Variants in PRKN observed in about 807,000 individuals in gnomAD.
PRKN encodes the protein E3 ubiquitin-protein ligase parkin.
Under a neutral mutation model 59.5 loss-of-function variants are expected in PRKN, and 56 were observed. The observed-to-expected ratio is 0.94, with a 90% confidence interval of 0.76 to 1.18. PRKN has a LOEUF of 1.18. Among genes scored for constraint, PRKN ranks in the 50% most tolerant of loss-of-function variants. The pLI, the probability that PRKN is intolerant of heterozygous loss-of-function variation, is 0.00. For missense variants in PRKN, 657 were observed against 596.4 expected (o/e 1.10, Z -1.06); for synonymous variants, 250 against 222.1 (o/e 1.13, Z -1.12).
At chr6:162,031,813 A>C (rs1274605579) in intron 5 of PRKN, among the ~76,000 whole-genome samples, 1 of 152,132 alleles carries the variant, frequency 6.6e-6, no homozygotes, top group East Asian at 1.9e-4. Flanking sequence ...TAGAGTTGTG[A>C]GCCATGGTGC....
At chr6:162,472,286 T>C (rs1453750975) in intron 1 of PRKN, among the ~76,000 whole-genome samples, 1 of 151,406 alleles carries the variant, frequency 6.6e-6, no homozygotes, top group Non-Finnish European at 1.5e-5. Flanking sequence ...ACATGTGCCA[T>C]GTGGGTGTGC....
intron 7 of PRKN, among the ~76,000 whole-genome samples, chr6:161,663,036 G>A (rs1419645093): frequency 6.6e-6 from 1 of 152,178 alleles, no homozygotes; most frequent in African/African-American, 2.4e-5. Flanking sequence ...AGTCTCACAA[G>A]AGCTGATGGT....
At chr6:162,163,205 T>C (rs972708125) in intron 4 of PRKN, among the ~76,000 whole-genome samples, 1 of 149,012 alleles carries the variant, frequency 6.7e-6, no homozygotes, top group Non-Finnish European at 1.5e-5. Flanking sequence ...AGTTTCTGTA[T>C]AGAATAGGTT....
chr6:161,779,435 C>CTTTCCTTTTTTTTTTTTTTTTTTTT (rs1234367519), intron 7 of PRKN, among the ~76,000 whole-genome samples: 1 of 40,432 alleles, frequency 2.5e-5, no homozygotes, highest in Non-Finnish European at 4.9e-5. Context: ...TTTTTCTTTT[C>CTTTCCTTTTTTTTTTTTTTTTTTTT]TTTTCTTTTT....
intron 1 of PRKN, among the ~76,000 whole-genome samples, chr6:162,642,283 A>C (rs1233295412): frequency 6.6e-6 from 1 of 152,224 alleles, no homozygotes; most frequent in Non-Finnish European, 1.5e-5. Context: ...GTGACAAAAA[A>C]TGAACACGTT....
intron 8 of PRKN, among the ~76,000 whole-genome samples, chr6:161,559,788 G>A (rs776509081): frequency 2.0e-5 from 3 of 152,168 alleles, no homozygotes; most frequent in Non-Finnish European, 4.4e-5. Flanking sequence ...TAGCTCCACT[G>A]AGCATTTAAT....
chr6:162,498,389 T>C (rs535514706), intron 1 of PRKN, among the ~76,000 whole-genome samples: 14 of 106,998 alleles, frequency 1.3e-4, no homozygotes, highest in Non-Finnish European at 2.7e-4. Context: ...TTTTTCTTTC[T>C]TTCCTTTTTT....
chr6:161,788,887 A>G lies in PRKN; in HGVS notation c.735-2979T>C, dbSNP rs371176859. ...ACACAGTCAACTTGGATATATACCT[A>G]TATACAGATATAGATAAATGATAGA... On this transcript the variant is annotated intron_variant, in intron 6 of 11. Transcript: ENST00000366898. Among the ~76,000 whole-genome samples the G allele has an allele frequency of 2.6e-4, 40 of 152,320 alleles. No homozygotes were observed. The East Asian group carries it at 3.3e-3, about 13-fold the overall frequency.
chr6:162,691,548 A>G lies in PRKN; in HGVS notation c.7+36114T>C, dbSNP rs1459894048. Among the ~76,000 whole-genome samples the G allele has an allele frequency of 2.0e-5, 3 of 152,204 alleles. No individual in the cohort carries two copies. The East Asian group carries it at 5.8e-4, about 29-fold the overall frequency. ...ATTATCTCATTGGATATCCAAAGAA[A>G]AAAAAGGTTCTACATCTCAAGAAGT... On this transcript the variant is annotated intron_variant, in intron 1 of 11. Coordinates refer to ENST00000366898, the MANE Select transcript of PRKN (RefSeq NM_004562.3).
chr6:161,955,753 G>A (rs989736467), intron 6 of PRKN, among the ~76,000 whole-genome samples: 1 of 152,216 alleles, frequency 6.6e-6, no homozygotes, highest in African/African-American at 2.4e-5. Context: ...GGGAGGCTGA[G>A]GCAGGAGAAT....
rs996422692 is a variant in PRKN at position 161,448,471 on chromosome 6, G to A, written c.1084-61594C>T. 1.3e-5 allele frequency among the ~76,000 whole-genome samples: 2 copies of A among 152,140 alleles called. No individual in the cohort carries two copies. The highest frequency in any genetic ancestry group is 1.9e-4 in the East Asian group (1 of 5,180). ...ACATCTTAGATTTAATGCTGATTTC[G>A]GGGGGCATTTTTGCTTCAAATTTGT... On this transcript the variant is annotated intron_variant, in intron 9 of 11. Transcript: ENST00000366898. The surrounding 1 kb of genome is among the most constrained non-coding windows in gnomAD (Gnocchi z 5.1).
chr6:162,242,167 T>A (rs182732043), intron 3 of PRKN, among the ~76,000 whole-genome samples: 1 of 152,280 alleles, frequency 6.6e-6, no homozygotes, highest in African/African-American at 2.4e-5. Flanking sequence ...ACATTCCTGG[T>A]ATTCAGAGCA....
chr6:162,221,270 T>G (rs538250439), intron 3 of PRKN, among the ~76,000 whole-genome samples: 4 of 152,196 alleles, frequency 2.6e-5, no homozygotes, highest in Non-Finnish European at 2.9e-5. Flanking sequence ...TTGCTGCTAG[T>G]TGATGACACT....
intron 7 of PRKN, among the ~76,000 whole-genome samples, chr6:161,743,723 C>T (rs1788296203): frequency 6.6e-6 from 1 of 152,118 alleles, no homozygotes; most frequent in African/African-American, 2.4e-5. Flanking sequence ...ACTCTGATAA[C>T]TTACAACAAA....
chr6:162,320,607 G>T, intron 2 of PRKN, among the ~76,000 whole-genome samples: 1 of 151,612 alleles, frequency 6.6e-6, no homozygotes, highest in African/African-American at 2.4e-5. Context: ...TCAAGAATTG[G>T]CCAGGATATT....
chr6:161,795,416 T>G lies in PRKN; in HGVS notation c.735-9508A>C, dbSNP rs79615286. ...CCTGGCTAATCTTTCCTATTTTTGG[T>G]AGAGATGGGGTCTCGCCATGTTGGC... On this transcript the variant is annotated intron_variant, in intron 6 of 11. Coordinates refer to ENST00000366898, the MANE Select transcript of PRKN (RefSeq NM_004562.3). Among the ~76,000 whole-genome samples the G allele has an allele frequency of 3.8e-3, 584 of 151,768 alleles. 3 individuals are homozygous for G. The highest frequency in any genetic ancestry group is 0.013 in the African/African-American group (521 of 41,404).
rs1787441975 is a variant in PRKN at position 161,409,865 on chromosome 6, T to C, written c.1084-22988A>G. ...TCAATAGAACTGTGATGTATCTATA[T>C]AAATCTGAGTAGCAGATCCATTCTC... On this transcript the variant is annotated intron_variant, in intron 9 of 11. Transcript: ENST00000366898. The surrounding 1 kb of genome is among the most constrained non-coding windows in gnomAD (Gnocchi z 4.6). Among the ~76,000 whole-genome samples, 1 of 152,332 alleles carries C rather than the reference T, an allele frequency of 6.6e-6. No homozygotes were observed.
intron 9 of PRKN, among the ~76,000 whole-genome samples, chr6:161,519,369 A>C (rs936212452): frequency 3.3e-5 from 5 of 152,158 alleles, no homozygotes; most frequent in African/African-American, 9.7e-5. Context: ...TAAAATGCAG[A>C]CGCCAATTAC....
intron 9 of PRKN, among the ~76,000 whole-genome samples, chr6:161,478,865 A>G (rs1388434283): frequency 6.6e-6 from 1 of 152,184 alleles, no homozygotes; most frequent in Non-Finnish European, 1.5e-5. Context: ...AACAAAAATG[A>G]TGTATCAAAT....
Sources: gnomAD v4.1 joint callset for allele counts (sites outside exome capture counted in the v4.1 genomes callset) on GRCh38, gnomAD v4.1.1 for gene constraint, Gnocchi (gnomAD v3.1) non-coding constraint, MANE v1.5 for transcripts, NCBI Gene and HGNC (gene_info 2026-07-23, HGNC 2026-07-21) for gene names.